Variants in ANK3 observed in about 807,000 individuals in gnomAD.
The protein encoded by ANK3 is ankyrin 3.
Under a neutral mutation model 370.9 loss-of-function variants are expected in ANK3, and 57 were observed. The ratio of observed to expected loss-of-function variants is 0.15; its 90% confidence interval spans 0.12 to 0.19. The LOEUF (loss-of-function observed/expected upper bound fraction) is 0.19, where lower values mean the gene tolerates loss of function less well. ANK3 is among the 10% of genes least tolerant of loss of function. The pLI is 1.00. For synonymous variants in ANK3, 1,929 were observed against 1,946.3 expected (o/e 0.99, Z 0.23); for missense variants, 4,439 against 5,302.1 (o/e 0.84, Z 5.06).
At chr10:60,664,443 A>G (rs1402585214) in intron 1 of ANK3, among the ~76,000 whole-genome samples, 1 of 152,236 alleles carries the variant, frequency 6.6e-6, no homozygotes, top group Non-Finnish European at 1.5e-5. Context: ...AACACTCCAG[A>G]AAGAAACATT....
chr10:60,157,470 G>A (rs2095368711), intron 23 of ANK3, among the ~76,000 whole-genome samples: 1 of 151,804 alleles, frequency 6.6e-6, no homozygotes, highest in African/African-American at 2.4e-5. Flanking sequence ...AAGTACTTGG[G>A]ATCACAGGTG....
intron 1 of ANK3, among the ~76,000 whole-genome samples, chr10:60,387,199 A>G (rs1332445563): frequency 1.3e-5 from 2 of 152,134 alleles, no homozygotes; most frequent in South Asian, 2.1e-4. Flanking sequence ...CTGCATATGA[A>G]CAAGAGCAAC....
intron 1 of ANK3, among the ~76,000 whole-genome samples, chr10:60,360,161 G>A (rs2058374059): frequency 6.6e-6 from 1 of 152,188 alleles, no homozygotes; most frequent in Admixed American, 6.5e-5. Context: ...GTACATGCGT[G>A]CCTATATGTG....
At position 60,713,296 on chromosome 10, in the gene ANK3, TAGAA is replaced by T. The variant is rs369884311; in HGVS notation, c.57+19963_57+19966del. Among the ~76,000 whole-genome samples the T allele has an allele frequency of 3.4e-3, 510 of 151,866 alleles. 3 individuals carry two copies. The highest frequency in any genetic ancestry group is 0.012 in the African/African-American group (484 of 41,402). ...ATGAAATTAAGCTATAAACAAGTAATAGAAAGATAACTGAAAAAAATCTCAGCAT... is the reference window on the plus strand; with the variant it reads ...ATGAAATTAAGCTATAAACAAGTAATAGATAACTGAAAAAAATCTCAGCAT... On this transcript the variant is annotated intron_variant, in intron 1 of 43. Transcript: ENST00000373827.
chr10:60,222,834 G>A (rs1179983585), intron 8 of ANK3, among the ~76,000 whole-genome samples: 1 of 152,038 alleles, frequency 6.6e-6, no homozygotes, highest in Non-Finnish European at 1.5e-5. Flanking sequence ...ACTTCCTACA[G>A]GATCCTTACT....
At chr10:60,228,756 A>AT (rs1455435973) in intron 8 of ANK3, among the ~76,000 whole-genome samples, 2 of 152,140 alleles carry the variant, frequency 1.3e-5, no homozygotes, top group Non-Finnish European at 2.9e-5. Flanking sequence ...TTAAAAAAAA[A>AT]TTAGATGTGA....
chr10:60,637,710 G>T (rs116184396), intron 1 of ANK3, among the ~76,000 whole-genome samples: 6,600 of 152,238 alleles, frequency 0.043, 173 homozygotes, highest in Middle Eastern at 0.075. Flanking sequence ...TATAAGAGAT[G>T]ACATGAGAAA....
chr10:60,081,329 C>T (rs777859602), intron 35 of ANK3, among the ~76,000 whole-genome samples: 17 of 152,114 alleles, frequency 1.1e-4, no homozygotes, highest in Non-Finnish European at 2.5e-4. Flanking sequence ...AGGTGATTCC[C>T]CCACCCCATC....
At chr10:60,694,349 C>A (rs1357872665) in intron 1 of ANK3, among the ~76,000 whole-genome samples, 1 of 152,118 alleles carries the variant, frequency 6.6e-6, no homozygotes, top group Non-Finnish European at 1.5e-5. Flanking sequence ...GAGAACTTCC[C>A]CAATCTAGCA....
intron 1 of ANK3, among the ~76,000 whole-genome samples, chr10:60,654,114 TTTAA>T (rs1343960749): frequency 1.3e-5 from 2 of 152,222 alleles, no homozygotes; most frequent in Admixed American, 6.5e-5. Flanking sequence ...GTATTTTATT[TTTAA>T]TTGTTTATTG....
chr10:60,032,847 A>T (rs1018914432), intron 43 of ANK3, among the ~76,000 whole-genome samples: 2 of 152,158 alleles, frequency 1.3e-5, no homozygotes, highest in Non-Finnish European at 2.9e-5. Flanking sequence ...AAGGTCATTC[A>T]TTGGACAAAA....
At chr10:60,225,234 C>G (rs547444615) in intron 8 of ANK3, among the ~76,000 whole-genome samples, 86 of 152,202 alleles carry the variant, frequency 5.7e-4, no homozygotes, top group Non-Finnish European at 1.1e-3. Flanking sequence ...TCCATATTGG[C>G]ATTTTCACCA....
At chr10:60,290,389 T>C (rs919408376) in intron 1 of ANK3, among the ~76,000 whole-genome samples, 21 of 121,264 alleles carry the variant, frequency 1.7e-4, no homozygotes, top group African/African-American at 5.6e-4. Flanking sequence ...CTCAGATTAT[T>C]AAGCTTTTAT....
chr10:60,040,762 G>C (rs914179132), intron 43 of ANK3, among the ~76,000 whole-genome samples: 1 of 152,148 alleles, frequency 6.6e-6, no homozygotes, highest in African/African-American at 2.4e-5. Context: ...GGCTCAGCTG[G>C]TGTAGGTAAC....
At chr10:60,086,609 T>TACACAAATATATCTTTGTAC in intron 30 of ANK3, 68 bp downstream of exon 30, 3 of 1,367,928 alleles carry the variant, frequency 2.2e-6, no homozygotes, top group Non-Finnish European at 3.0e-6. Flanking sequence ...TATATCTTTG[T>TACACAAATATATCTTTGTAC]ACACAAATAT....
At position 60,070,678 on chromosome 10, in the gene ANK3, T is replaced by C; in HGVS notation, c.10203A>G (p.Ala3401=). Residue 3401 remains alanine, a synonymous_variant, in exon 37 of 44, where the codon GCA becomes GCG. Transcript: ENST00000280772. The surrounding 1 kb of genome is among the most constrained non-coding windows in gnomAD (Gnocchi z 5.7). ...TGGCATCCGTGTCATGAGAAAACTC[T>C]GCTGTGGTGGCAATGGAACACTCTG... ...SITECSIATT[A]EFSHDTDATE... is the part of the protein sequence containing the mutation. 1 of 1,614,206 alleles carries C rather than the reference T, an allele frequency of 6.2e-7. No individual in the cohort carries two copies. The highest frequency in any genetic ancestry group is 8.5e-7 in the Non-Finnish European group (1 of 1,180,026).
At chr10:60,669,113 T>G (rs2079035093) in intron 1 of ANK3, among the ~76,000 whole-genome samples, 1 of 152,198 alleles carries the variant, frequency 6.6e-6, no homozygotes, top group African/African-American at 2.4e-5. Context: ...CTATGTTGTC[T>G]CCACACACGT....
At chr10:60,098,981 C>G (rs2090680896) in intron 28 of ANK3, among the ~76,000 whole-genome samples, 1 of 152,246 alleles carries the variant, frequency 6.6e-6, no homozygotes, top group Middle Eastern at 3.4e-3. Context: ...ATTTTTAAAG[C>G]TATTTTTAGA....
intron 1 of ANK3, among the ~76,000 whole-genome samples, chr10:60,692,656 T>C (rs2079373404): frequency 6.6e-6 from 1 of 152,164 alleles, no homozygotes; most frequent in Non-Finnish European, 1.5e-5. Context: ...AAAGGGACAA[T>C]TCAAATTTTA....
Sources: allele counts gnomAD v4.1 joint callset (sites outside exome capture counted in the v4.1 genomes callset), GRCh38; gene constraint gnomAD v4.1.1; non-coding constraint Gnocchi (gnomAD v3.1); transcripts MANE v1.5; gene names NCBI Gene and HGNC (gene_info 2026-07-23, HGNC 2026-07-21).